The following ENG variants were observed in gnomAD, a reference collection of about 807,000 sequenced individuals.
The protein encoded by ENG is CD105 antigen.
Under a neutral mutation model 71.0 loss-of-function variants are expected in ENG, and 17 were observed. That is an observed-to-expected ratio of 0.24 (90% CI 0.16 to 0.36). The LOEUF (loss-of-function observed/expected upper bound fraction) is 0.36, where lower values mean the gene tolerates loss of function less well. Among genes scored for constraint, ENG ranks in the 10% least tolerant of loss-of-function variants. The probability of loss-of-function intolerance (pLI) is 1.00; values close to 1 mark genes in which losing one functional copy is unlikely to be tolerated. For synonymous variants in ENG, 360 were observed against 366.9 expected, an observed-to-expected ratio of 0.98 and a Z score of 0.21; for missense variants, 749 against 868.3, an observed-to-expected ratio of 0.86 and a Z score of 1.73.
intron 1 of ENG, among the ~76,000 whole-genome samples, chr9:127,848,166 T>C (rs2900256): frequency 0.99 from 151,224 of 152,280 alleles, 75,092 homozygotes; most frequent in Middle Eastern, 1. Flanking sequence ...TGGTGACTAC[T>C]ATCACAATTA....
chr9:127,845,284 C>T (rs546275826), intron 1 of ENG, among the ~76,000 whole-genome samples: 190 of 152,348 alleles, frequency 1.2e-3, no homozygotes, highest in African/African-American at 4.4e-3. Context: ...CCTTCCTCAC[C>T]TTCCCACAGC....
intron 2 of ENG, among the ~76,000 whole-genome samples, chr9:127,830,723 G>A (rs1373826374): frequency 2.0e-5 from 3 of 152,006 alleles, no homozygotes; most frequent in African/African-American, 7.3e-5. Flanking sequence ...ATGAGAACCT[G>A]TTGTGTACTG....
intron 13 of ENG, chr9:127,816,852 C>T: frequency 2.0e-6 from 1 of 506,594 alleles, no homozygotes; most frequent in Non-Finnish European, 3.6e-6. Context: ...ATCCTCCCAG[C>T]AAGGTCAGCC....
intron 9 of ENG, 28 bp from the exon 10 acceptor site, chr9:127,819,688 C>G: frequency 2.5e-6 from 4 of 1,599,362 alleles, no homozygotes; most frequent in Non-Finnish European, 3.4e-6. Context: ...GGGAGCTGGT[C>G]AGAGCCAGAA....
chr9:127,827,834 G>C (rs944303252), intron 3 of ENG, among the ~76,000 whole-genome samples: 1 of 151,632 alleles, frequency 6.6e-6, no homozygotes, highest in Non-Finnish European at 1.5e-5. Context: ...TAGCCAACAC[G>C]GTATGAAACA....
chr9:127,843,275 G>T (rs200580426), intron 1 of ENG, 30 bp from the exon 2 acceptor site: 27 of 1,613,842 alleles, frequency 1.7e-5, no homozygotes, highest in Non-Finnish European at 2.1e-5. Context: ...AAAGAGGCCA[G>T]GTGAGAATAA....
At chr9:127,847,847 C>T (rs1028459847) in intron 1 of ENG, among the ~76,000 whole-genome samples, 1 of 152,134 alleles carries the variant, frequency 6.6e-6, no homozygotes, top group Non-Finnish European at 1.5e-5. Flanking sequence ...CCAGCCACTG[C>T]CCCCAGCCAC....
chr9:127,845,601 G>C (rs891565475), intron 1 of ENG, among the ~76,000 whole-genome samples: 4 of 152,326 alleles, frequency 2.6e-5, no homozygotes, highest in Admixed American at 6.5e-5. Flanking sequence ...TTCACCTCTT[G>C]GGGCTTCAAT....
rs769615362 is a variant in ENG, at chr9:127,824,330, G to C, written c.1108C>G (p.Leu370Val). 5.0e-6 allele frequency: 8 copies of C among 1,614,004 alleles called. No homozygotes were observed. The highest frequency in any genetic ancestry group is 6.8e-6 in the Non-Finnish European group (8 of 1,179,988). Residue 370 changes from leucine to valine, a missense_variant, in exon 8 of 15, where the codon CTG becomes GTG. Transcript: ENST00000373203. ...GCAACAAGCTCTTTCTTTAGTACCA[G>C]GGTCATGGCGTCGTCGGCACACTTT... ...QTKCADDAMT[L>V]VLKKELVAHL...
At chr9:127,840,820 A>G (rs987442094) in intron 2 of ENG, among the ~76,000 whole-genome samples, 1 of 152,200 alleles carries the variant, frequency 6.6e-6, no homozygotes, top group Non-Finnish European at 1.5e-5. Context: ...AGCTCCCTGG[A>G]GCGAGTTCTC....
In ENG at chr9:127,854,453, C is replaced by T. The variant is rs923040659; in HGVS notation, c.-98G>A. The stretch of plus-strand genomic sequence containing the variant: ...GCCGGCGTGGGCTCGCACGGGGACC[C>T]GAGGGGAGCAGGCGGCCGGAGCGAC... On this transcript the variant is annotated 5_prime_UTR_variant, in exon 1 of 15. Coordinates refer to ENST00000373203, the MANE Select transcript of ENG (RefSeq NM_001114753.3). 7.1e-5 allele frequency: 97 copies of T among 1,364,842 alleles called. No homozygotes were observed. Among genetic ancestry groups the T allele is most frequent in the Non-Finnish European group, 9.2e-5 (92 of 1,004,156 alleles). 84.5% of individuals were successfully genotyped at this position (1,364,842 alleles called of 1,614,324 possible).
intron 1 of ENG, among the ~76,000 whole-genome samples, chr9:127,854,067 G>A (rs751157056): frequency 1.2e-4 from 18 of 152,244 alleles, no homozygotes; most frequent in Non-Finnish European, 2.6e-4. Context: ...CAGGGTTAAA[G>A]TGAAAGAGTC....
intron 2 of ENG, among the ~76,000 whole-genome samples, chr9:127,832,969 A>T (rs2131900526): frequency 6.6e-6 from 1 of 151,968 alleles, no homozygotes; most frequent in Admixed American, 6.6e-5. Flanking sequence ...GTTGGCCAGG[A>T]TGGGCTCAAA....
rs1588571751 is a variant in ENG, at chr9:127,815,587, C to T, written c.*95G>A. Reference sequence around the variant, plus strand: ...GCGGAGAGCAGGCTCCATTCTGGGTCGAGTGGAGGACTGGCTCCCAGGGTG... The same window carrying T: ...GCGGAGAGCAGGCTCCATTCTGGGTTGAGTGGAGGACTGGCTCCCAGGGTG... On this transcript the variant is annotated 3_prime_UTR_variant, in exon 15 of 15. Coordinates refer to ENST00000373203, the MANE Select transcript of ENG (RefSeq NM_001114753.3). The T allele has an allele frequency of 3.3e-6, 5 of 1,496,646 alleles. No individual in the cohort carries two copies. Among genetic ancestry groups the T allele is most frequent in the Middle Eastern group, 2.4e-4 (1 of 4,204 alleles). 92.7% of individuals were successfully genotyped at this position (1,496,646 alleles called of 1,614,324 possible). A position where few individuals can be genotyped will look rare whatever the true frequency, so the allele number is the denominator to read the frequency against.
chr9:127,825,959 G>C, intron 4 of ENG, 99 bp from the exon 5 acceptor site: 1 of 1,479,314 alleles, frequency 6.8e-7, no homozygotes. Context: ...GGGGCAGGCA[G>C]GACGGTGCTG....
At chr9:127,824,169 A>T (rs1830541392) in intron 8 of ENG, 135 bp downstream of exon 8, 2 of 1,258,428 alleles carry the variant, frequency 1.6e-6, no homozygotes, top group East Asian at 2.4e-5. Context: ...ATTCCATTAT[A>T]CAAGTGGGAA....
At chr9:127,820,944 C>T (rs375598652) in intron 8 of ENG, among the ~76,000 whole-genome samples, 7 of 152,120 alleles carry the variant, frequency 4.6e-5, no homozygotes, top group Admixed American at 1.3e-4. Context: ...CTGGCGTGGG[C>T]GAAGTGTTCC....
At chr9:127,824,756 C>CAAGGGAGGGGAAGGG (rs1830560113) in intron 7 of ENG, 44 bp downstream of exon 7, 13 of 1,465,956 alleles carry the variant, frequency 8.9e-6, no homozygotes, top group Admixed American at 2.5e-5. Flanking sequence ...GCCACTGATC[C>CAAGGGAGGGGAAGGG]AAGGGAGGGG....
At chr9:127,817,673 TG>T (rs975457546) in intron 12 of ENG, 28 of 340,804 alleles carry the variant, frequency 8.2e-5, no homozygotes, top group African/African-American at 5.9e-4. Flanking sequence ...TGCCTGAGAG[TG>T]GGGGTCACCA....
Sources: gnomAD v4.1 joint callset for allele counts (sites outside exome capture counted in the v4.1 genomes callset) on GRCh38, gnomAD v4.1.1 for gene constraint, MANE v1.5 for transcripts, NCBI Gene and HGNC (gene_info 2026-07-23, HGNC 2026-07-21) for gene names.